PTPRN2: variants seen among roughly 807,000 people sequenced by gnomAD.
The protein encoded by PTPRN2 is protein tyrosine phosphatase receptor type N2, also known as receptor-type tyrosine-protein phosphatase N2.
A neutral mutation model predicts 118.8 loss-of-function variants in PTPRN2; 74 were observed. That is an observed-to-expected ratio of 0.62 (90% CI 0.52 to 0.76). The LOEUF (loss-of-function observed/expected upper bound fraction) is 0.76, where lower values mean the gene tolerates loss of function less well. Ranked by LOEUF, PTPRN2 falls within the 30% of genes least tolerant of loss-of-function variation. The probability of loss-of-function intolerance (pLI) is 0.00; values close to 1 mark genes in which losing one functional copy is unlikely to be tolerated. For missense variants in PTPRN2, 1,481 were observed against 1,394.4 expected (o/e 1.06, Z -0.99); for synonymous variants, 641 against 608.0 (o/e 1.05, Z -0.80).
Position 157,657,390 on chromosome 7 carries a change from C to T in PTPRN2, c.2002-839G>A, listed in dbSNP as rs558983524. On this transcript the variant is annotated intron_variant, in intron 13 of 22. Transcript: ENST00000389418. ...CACATATACACACACAAACGCCACA[C>T]ACACACCACACACATCACACATATA... 1.2e-3 allele frequency among the ~76,000 whole-genome samples: 180 copies of T among 146,130 alleles called. 1 individual carries two copies. Among genetic ancestry groups the T allele is most frequent in the African/African-American group, 3.9e-3 (149 of 38,492 alleles).
At position 158,009,999 on chromosome 7, in the gene PTPRN2, G is replaced by A; in HGVS notation, c.1723+71299C>T. 1.3e-5 allele frequency among the ~76,000 whole-genome samples: 2 copies of A among 152,078 alleles called. 1 individual carries two copies. Among genetic ancestry groups the A allele is most frequent in the South Asian group, 4.2e-4 (2 of 4,814 alleles). On this transcript the variant is annotated intron_variant, in intron 11 of 22. Transcript: ENST00000389418. ...TCTCCCGCCCATCCTTCAAGACCAG[G>A]CTGGCCTTTGCCTGCCCCAGACCCT...
At position 158,111,217 on chromosome 7, in the gene PTPRN2, G is replaced by A. The variant is rs531384398; in HGVS notation, c.1557-302C>T. ...GGGAGAAGGGACAGGCAGGTGCGGC[G>A]GATGCTGGGACTCTGACTGAGGATG... On this transcript the variant is annotated intron_variant, in intron 9 of 22. Transcript: ENST00000389418. 9.8e-5 allele frequency among the ~76,000 whole-genome samples: 15 copies of A among 152,340 alleles called. No homozygotes were observed. The East Asian group carries it at 1.2e-3, about 12-fold the overall frequency.
intron 12 of PTPRN2, among the ~76,000 whole-genome samples, chr7:157,884,475 T>G (rs1796344763): frequency 6.6e-6 from 1 of 152,240 alleles, no homozygotes; most frequent in Admixed American, 6.5e-5. Context: ...TGAGGGTGCA[T>G]GACAGGCCTT....
intron 3 of PTPRN2, among the ~76,000 whole-genome samples, chr7:158,311,750 G>A (rs180999686): frequency 2.0e-4 from 30 of 152,356 alleles, no homozygotes; most frequent in African/African-American, 5.5e-4. Flanking sequence ...TGTTTCAAGC[G>A]CAGTTACCAA....
chr7:157,675,377 C>T (rs1057096140), intron 13 of PTPRN2, among the ~76,000 whole-genome samples: 28 of 152,284 alleles, frequency 1.8e-4, no homozygotes, highest in South Asian at 1.0e-3. Context: ...CCTGACCTTA[C>T]CCCCCAGGGC....
intron 11 of PTPRN2, among the ~76,000 whole-genome samples, chr7:158,009,777 C>T (rs972530655): frequency 6.6e-6 from 1 of 152,234 alleles, no homozygotes; most frequent in East Asian, 1.9e-4. Flanking sequence ...TTGGAAACAG[C>T]ACACGAGGTA....
intron 6 of PTPRN2, among the ~76,000 whole-genome samples, chr7:158,153,902 TC>T (rs1821446802): frequency 7.3e-6 from 1 of 137,294 alleles, no homozygotes. Context: ...GTGTGCTCGC[TC>T]GGAAGGCAGG....
In PTPRN2 at chr7:158,420,020, A is replaced by G. The variant is rs79865041; in HGVS notation, c.163+69715T>C. ...CTCTGTCATGTTGGCCACTGTTACA[A>G]TCTTGTGCACAGGACCTGACCCCTA... On this transcript the variant is annotated intron_variant, in intron 2 of 22. Transcript: ENST00000389418. 5.9e-3 allele frequency among the ~76,000 whole-genome samples: 891 copies of G among 152,214 alleles called. 9 individuals carry two copies. The highest frequency in any genetic ancestry group is 0.021 in the African/African-American group (858 of 41,534).
chr7:158,480,091 C>T lies in PTPRN2; in HGVS notation c.163+9644G>A, dbSNP rs190663921. ...ACCTAAATAAAGAGTCTGAGGAGCACGACCTTCCTAGGAGCACGTTCCAGC... is the reference window on the plus strand; with the variant it reads ...ACCTAAATAAAGAGTCTGAGGAGCATGACCTTCCTAGGAGCACGTTCCAGC... On this transcript the variant is annotated intron_variant, in intron 2 of 22. Coordinates refer to ENST00000389418, the MANE Select transcript of PTPRN2 (RefSeq NM_002847.5). Among the ~76,000 whole-genome samples, 118 of 152,230 alleles carry T rather than the reference C, an allele frequency of 7.8e-4. 2 individuals are homozygous for T. Among genetic ancestry groups the T allele is most frequent in the African/African-American group, 2.7e-3 (112 of 41,524 alleles).
intron 11 of PTPRN2, among the ~76,000 whole-genome samples, chr7:158,069,611 C>A (rs190169506): frequency 6.6e-6 from 1 of 152,172 alleles, no homozygotes; most frequent in African/African-American, 2.4e-5. Flanking sequence ...CACCACGCCC[C>A]ACCTCCTCCA....
chr7:158,414,193 G>T (rs552151615), intron 2 of PTPRN2, among the ~76,000 whole-genome samples: 1 of 152,132 alleles, frequency 6.6e-6, no homozygotes, highest in East Asian at 1.9e-4. Flanking sequence ...AGGGAATCAG[G>T]TGCTCAACCC....
chr7:158,545,394 G>T (rs898881751), intron 1 of PTPRN2, among the ~76,000 whole-genome samples: 13 of 152,160 alleles, frequency 8.5e-5, no homozygotes, highest in African/African-American at 3.1e-4. Context: ...GCAAATACCT[G>T]TTTCTTATTC....
intron 11 of PTPRN2, among the ~76,000 whole-genome samples, chr7:157,954,593 G>A (rs1563271214): frequency 6.8e-6 from 1 of 147,394 alleles, no homozygotes; most frequent in African/African-American, 2.6e-5. Flanking sequence ...TACTGTGTGT[G>A]GTGTGTGTGT....
At chr7:158,230,540 G>GTT (rs572424601) in intron 3 of PTPRN2, among the ~76,000 whole-genome samples, 27 of 151,418 alleles carry the variant, frequency 1.8e-4, no homozygotes, top group African/African-American at 6.6e-4. Context: ...ATACAGAGGG[G>GTT]TTTTTTTTCA....
At position 157,565,854 on chromosome 7, in the gene PTPRN2, AT is replaced by A. The variant is rs1252367965; in HGVS notation, c.2902+3047del. ...AAAACAGATTCCTACACAATCGTCTATTATCGGTGAGTTAGAAACGCATCTG... is the reference window on the plus strand; with the variant it reads ...AAAACAGATTCCTACACAATCGTCTATATCGGTGAGTTAGAAACGCATCTG... On this transcript the variant is annotated intron_variant, in intron 21 of 22. Transcript: ENST00000389418. Among the ~76,000 whole-genome samples the A allele has an allele frequency of 2.6e-5, 4 of 152,200 alleles. No individual in the cohort carries two copies. The South Asian group carries it at 6.2e-4, about 24-fold the overall frequency.
intron 11 of PTPRN2, among the ~76,000 whole-genome samples, chr7:157,937,594 A>G (rs1223159919): frequency 6.6e-6 from 1 of 152,210 alleles, no homozygotes; most frequent in Non-Finnish European, 1.5e-5. Context: ...CCCACCCAGG[A>G]GAAGCCGCTT....
At chr7:157,937,233 G>A (rs1215122754) in intron 11 of PTPRN2, among the ~76,000 whole-genome samples, 1 of 152,162 alleles carries the variant, frequency 6.6e-6, no homozygotes, top group Non-Finnish European at 1.5e-5. Context: ...ACTTGCAGCT[G>A]GCACACATAG....
chr7:157,588,634 A>T (rs1318518638), intron 17 of PTPRN2, among the ~76,000 whole-genome samples: 3 of 152,116 alleles, frequency 2.0e-5, no homozygotes, highest in African/African-American at 7.2e-5. Context: ...GTCTCTGAGG[A>T]CTTTGACTTT....
rs773562263 is a variant in PTPRN2 at position 158,138,520 on chromosome 7, G to A, written c.911-5C>T. ...GGAGGGTATGAATCCGTGCTCCTAG[G>A]GGCACACACACAAACACAAGGACGT... On this transcript the variant is annotated splice_polypyrimidine_tract_variant and splice_region_variant and intron_variant, in intron 6 of 22. Coordinates refer to ENST00000389418, the MANE Select transcript of PTPRN2 (RefSeq NM_002847.5). The A allele has an allele frequency of 1.2e-6, 2 of 1,609,162 alleles. No individual in the cohort carries two copies. The highest frequency in any genetic ancestry group is 1.7e-6 in the Non-Finnish European group (2 of 1,179,232).
Sources: gnomAD v4.1 joint callset for allele counts (sites outside exome capture counted in the v4.1 genomes callset) on GRCh38, gnomAD v4.1.1 for gene constraint, MANE v1.5 for transcripts, NCBI Gene and HGNC (gene_info 2026-07-23, HGNC 2026-07-21) for gene names.